PPP2R2C: variants seen among roughly 807,000 people sequenced by gnomAD.
PPP2R2C encodes the protein protein phosphatase 2 regulatory subunit Bgamma, also known as protein phosphatase 2, regulatory subunit B, gamma.
In PPP2R2C, 10 loss-of-function variants were observed where a neutral mutation model predicts 45.3. That is an observed-to-expected ratio of 0.22 (90% confidence interval 0.14 to 0.37). The LOEUF is 0.37. Among genes scored for constraint, PPP2R2C ranks in the 10% least tolerant of loss-of-function variants. PPP2R2C has a pLI of 1.00. For synonymous variants in PPP2R2C, 257 were observed against 245.4 expected, an observed-to-expected ratio of 1.05 and a Z score of -0.44; for missense variants, 308 against 619.7, an observed-to-expected ratio of 0.50 and a Z score of 5.34.
chr4:6,446,960 G>A (rs1720454823), intron 1 of PPP2R2C, among the ~76,000 whole-genome samples: 1 of 152,114 alleles, frequency 6.6e-6, no homozygotes, highest in African/African-American at 2.4e-5. Flanking sequence ...GGGGTGCTGG[G>A]CTGATTCAGA....
In PPP2R2C at chr4:6,331,036, AGGGTACT is replaced by A. The variant is rs1732370373; in HGVS notation, c.961-1690_961-1684del. ...CAGGGTCTAGCACTGTGTTGGGCACAGGGTACTGGCTCAGTATGTGTAACAACTAAAA... is the reference window on the plus strand; with the variant it reads ...CAGGGTCTAGCACTGTGTTGGGCACAGGCTCAGTATGTGTAACAACTAAAA... On this transcript the variant is annotated intron_variant, in intron 7 of 8. Coordinates refer to ENST00000382599, the MANE Select transcript of PPP2R2C (RefSeq NM_020416.4). This position sits in a 1 kb window ranked among gnomAD's most constrained non-coding sequence, Gnocchi z 5.9. Among the ~76,000 whole-genome samples, 1 of 152,170 alleles carries A rather than the reference AGGGTACT, an allele frequency of 6.6e-6. No homozygotes were observed. Among genetic ancestry groups the A allele is most frequent in the Non-Finnish European group, 1.5e-5 (1 of 68,038 alleles).
Position 6,323,581 on chromosome 4 carries a change from G to A in PPP2R2C, c.1065C>T (p.Thr355=), listed in dbSNP as rs150430481. The A allele has an allele frequency of 1.4e-5, 22 of 1,559,422 alleles. No individual in the cohort carries two copies. Among genetic ancestry groups the A allele is most frequent in the African/African-American group, 5.4e-5 (4 of 73,976 alleles). ...AWNGSDSVIM[T]GAYNNFFRMF... ...TGCGGAAGAAGTTGTTGTAGGCCCC[G>A]GTCATGATGACGCTGGTGGGAGAAG... Residue 355 remains threonine, a synonymous_variant, in exon 9 of 9, where the codon ACC becomes ACT. Transcript: ENST00000382599.
chr4:6,328,284 T>C lies in PPP2R2C; in HGVS notation c.1052+978A>G, dbSNP rs1017370348. Among the ~76,000 whole-genome samples, 3 of 152,138 alleles carry C rather than the reference T, an allele frequency of 2.0e-5. No homozygotes were observed. The highest frequency in any genetic ancestry group is 7.2e-5 in the African/African-American group (3 of 41,418). On this transcript the variant is annotated intron_variant, in intron 8 of 8. Transcript: ENST00000382599. This position sits in a 1 kb window ranked among gnomAD's most constrained non-coding sequence, Gnocchi z 4.4. ...TGGTATTCTGATCTAGCAGCCAGTG[T>C]AGTCTTTATCTCCACACTGTGTATC...
In PPP2R2C at chr4:6,328,788, C is replaced by T. The variant is rs374580517; in HGVS notation, c.1052+474G>A. ...AGGTGCCCCTGAGCCTCAGCGGGCCCGAGTGGGGTGTCACCAGGAAGAGAG... is the reference window on the plus strand; with the variant it reads ...AGGTGCCCCTGAGCCTCAGCGGGCCTGAGTGGGGTGTCACCAGGAAGAGAG... On this transcript the variant is annotated intron_variant, in intron 8 of 8. Coordinates refer to ENST00000382599, the MANE Select transcript of PPP2R2C (RefSeq NM_020416.4). The surrounding 1 kb of genome is among the most constrained non-coding windows in gnomAD (Gnocchi z 4.4). 1.6e-4 allele frequency among the ~76,000 whole-genome samples: 25 copies of T among 152,188 alleles called. No individual in the cohort carries two copies. Among genetic ancestry groups the T allele is most frequent in the African/African-American group, 5.3e-4 (22 of 41,508 alleles).
At chr4:6,410,109 A>G (rs1466613641) in intron 1 of PPP2R2C, among the ~76,000 whole-genome samples, 1 of 152,204 alleles carries the variant, frequency 6.6e-6, no homozygotes, top group Admixed American at 6.5e-5. Context: ...GCTCAGAAGC[A>G]GGATCCCACA....
chr4:6,328,598 G>A lies in PPP2R2C; in HGVS notation c.1052+664C>T, dbSNP rs1414504605. The stretch of plus-strand genomic sequence containing the variant: ...CCCACGGGTAGAGGTCAGGTCAGGA[G>A]CCCCTGCCACAGCCCCCTTGTCCAT... On this transcript the variant is annotated intron_variant, in intron 8 of 8. Coordinates refer to ENST00000382599, the MANE Select transcript of PPP2R2C (RefSeq NM_020416.4). The surrounding 1 kb of genome is among the most constrained non-coding windows in gnomAD (Gnocchi z 4.4). Among the ~76,000 whole-genome samples, 1 of 152,198 alleles carries A rather than the reference G, an allele frequency of 6.6e-6. No individual in the cohort carries two copies. The highest frequency in any genetic ancestry group is 1.9e-4 in the East Asian group (1 of 5,188).
intron 1 of PPP2R2C, among the ~76,000 whole-genome samples, chr4:6,545,947 C>A (rs537131185): frequency 6.6e-6 from 1 of 152,092 alleles, no homozygotes; most frequent in South Asian, 2.1e-4. Context: ...GCCCCAGCAC[C>A]ACAGTTCCCT....
At chr4:6,340,667 C>T (rs1201355969) in intron 6 of PPP2R2C, among the ~76,000 whole-genome samples, 2 of 152,242 alleles carry the variant, frequency 1.3e-5, no homozygotes, top group Admixed American at 1.3e-4. Flanking sequence ...AACACGCTAG[C>T]CCCCAGCCAG....
chr4:6,390,236 C>G (rs58960361), intron 1 of PPP2R2C, among the ~76,000 whole-genome samples: 10 of 151,878 alleles, frequency 6.6e-5, no homozygotes, highest in African/African-American at 1.7e-4. Flanking sequence ...GCTGGGGGTG[C>G]ACACACTGTG....
chr4:6,337,145 TATATATATATATATA>T (rs1733037535), intron 6 of PPP2R2C, among the ~76,000 whole-genome samples: 13 of 94,962 alleles, frequency 1.4e-4, no homozygotes, highest in Admixed American at 1.1e-3. Flanking sequence ...TATATATATA[TATATATATATATATA>T]TTTGTAGTTT....
chr4:6,500,114 A>G (rs892377071), intron 2 of PPP2R2C, among the ~76,000 whole-genome samples: 5 of 152,212 alleles, frequency 3.3e-5, no homozygotes, highest in Non-Finnish European at 7.3e-5. Context: ...TCAACATGAA[A>G]TGAATTAAGA....
intron 2 of PPP2R2C, among the ~76,000 whole-genome samples, chr4:6,484,769 G>T (rs2108781071): frequency 6.6e-6 from 1 of 151,886 alleles, no homozygotes; most frequent in South Asian, 2.1e-4. Flanking sequence ...TATTCTGATT[G>T]AGCTTGTGCC....
intron 1 of PPP2R2C, among the ~76,000 whole-genome samples, chr4:6,445,550 C>A (rs1028691990): frequency 6.6e-6 from 1 of 152,212 alleles, no homozygotes; most frequent in Non-Finnish European, 1.5e-5. Context: ...GAAGCTGTTT[C>A]TTTTCATGAA....
chr4:6,476,264 C>G (rs1489582502), upstream of PPP2R2C, among the ~76,000 whole-genome samples: 1 of 152,220 alleles, frequency 6.6e-6, no homozygotes, highest in African/African-American at 2.4e-5. Context: ...CGAGGCCTCC[C>G]TCACTCCCCT....
At position 6,324,327 on chromosome 4, in the gene PPP2R2C, G is replaced by C. The variant is rs1164593946; in HGVS notation, c.1053-734C>G. Reference sequence around the variant, plus strand: ...GGCACCTGTAATCCCAGCTACTCAGGAGGCTGAGGCAGGAGAGTTGCTTGA... The same window carrying C: ...GGCACCTGTAATCCCAGCTACTCAGCAGGCTGAGGCAGGAGAGTTGCTTGA... On this transcript the variant is annotated intron_variant, in intron 8 of 8. Coordinates refer to ENST00000382599, the MANE Select transcript of PPP2R2C (RefSeq NM_020416.4). The surrounding 1 kb of genome is among the most constrained non-coding windows in gnomAD (Gnocchi z 4.1). 6.6e-6 allele frequency among the ~76,000 whole-genome samples: 1 copy of C among 152,180 alleles called. No individual in the cohort carries two copies. The highest frequency in any genetic ancestry group is 1.5e-5 in the Non-Finnish European group (1 of 68,036).
At chr4:6,530,029 G>A (rs978223947) in intron 2 of PPP2R2C, among the ~76,000 whole-genome samples, 2 of 152,148 alleles carry the variant, frequency 1.3e-5, no homozygotes, top group East Asian at 1.9e-4. Context: ...TCACCACAGC[G>A]TGTGTCTTAG....
Position 6,499,775 on chromosome 4 carries a change from A to C in PPP2R2C, c.49+35496T>G, listed in dbSNP as rs1038717608. 2.0e-4 allele frequency among the ~76,000 whole-genome samples: 30 copies of C among 151,738 alleles called. 1 individual carries two copies. Among genetic ancestry groups the C allele is most frequent in the African/African-American group, 6.3e-4 (26 of 41,462 alleles). On this transcript the variant is annotated intron_variant, in intron 2 of 9. Transcript: ENST00000506140. ...GGACCATTGAACCATAAAAAAAAAA[A>C]AAACAACTCCTACCCCAGACACCTG...
chr4:6,475,193 GGATGGAGATGGGGATGGAGATGGA>G (rs931076143), upstream of PPP2R2C, among the ~76,000 whole-genome samples: 5 of 152,088 alleles, frequency 3.3e-5, no homozygotes, highest in Non-Finnish European at 7.4e-5. Flanking sequence ...AGATGAACGG[GGATGGAGATGGGGATGGAGATGGA>G]GATGAAGGCG....
At chr4:6,427,534 G>C (rs1719394014) in intron 1 of PPP2R2C, among the ~76,000 whole-genome samples, 1 of 152,174 alleles carries the variant, frequency 6.6e-6, no homozygotes, top group South Asian at 2.1e-4. Flanking sequence ...ACATAGGCTG[G>C]ACCTGCCAGG....
Sources: allele counts gnomAD v4.1 joint callset (sites outside exome capture counted in the v4.1 genomes callset), GRCh38; gene constraint gnomAD v4.1.1; non-coding constraint Gnocchi (gnomAD v3.1); transcripts MANE v1.5; gene names NCBI Gene and HGNC (gene_info 2026-07-23, HGNC 2026-07-21).